EPB41L5: variants seen among roughly 807,000 people sequenced by gnomAD.
The protein encoded by EPB41L5 is erythrocyte membrane protein band 4.1 like 5.
A neutral mutation model predicts 106.6 loss-of-function variants in EPB41L5; 55 were observed. That is an observed-to-expected ratio of 0.52 (90% confidence interval 0.42 to 0.65). The LOEUF is 0.65. EPB41L5 is among the 30% of genes least tolerant of loss of function. The pLI, the probability that EPB41L5 is intolerant of heterozygous loss-of-function variation, is 0.00. For missense variants in EPB41L5, 871 were observed against 882.1 expected, an observed-to-expected ratio of 0.99 and a Z score of 0.16; for synonymous variants, 297 against 306.7, an observed-to-expected ratio of 0.97 and a Z score of 0.33.
intron 16 of EPB41L5, among the ~76,000 whole-genome samples, chr2:120,107,354 A>T (rs1684511229): frequency 6.6e-6 from 1 of 152,102 alleles, no homozygotes; most frequent in Non-Finnish European, 1.5e-5. Context: ...ATTTTTTATG[A>T]TTGGTATTAG....
chr2:120,072,054 T>C (rs1378058828), intron 3 of EPB41L5, among the ~76,000 whole-genome samples: 2 of 152,182 alleles, frequency 1.3e-5, no homozygotes, highest in Non-Finnish European at 2.9e-5. Context: ...AAAGAGCTAA[T>C]ATCCAGAATG....
chr2:120,058,280 G>A (rs564270313), intron 3 of EPB41L5, among the ~76,000 whole-genome samples: 1 of 152,144 alleles, frequency 6.6e-6, no homozygotes, highest in South Asian at 2.1e-4. Flanking sequence ...TGATCCCCTG[G>A]GCTCAAGTGA....
Position 120,178,494 on chromosome 2 carries a change from T to C in EPB41L5, c.*3587T>C, listed in dbSNP as rs1403850139. 1 of 152,218 alleles carries C rather than the reference T, an allele frequency of 6.6e-6. No homozygotes were observed. Among genetic ancestry groups the C allele is most frequent in the Non-Finnish European group, 1.5e-5 (1 of 68,052 alleles). The allele number at this position is 152,218 out of a possible 1,614,324, so 9.4% of individuals were successfully genotyped here. A position where few individuals can be genotyped will look rare whatever the true frequency, so the allele number is the denominator to read the frequency against. On this transcript the variant is annotated 3_prime_UTR_variant, in exon 25 of 25. Transcript: ENST00000263713. The stretch of plus-strand genomic sequence containing the variant: ...GTTCCCACCAACTTTTAATTATTCA[T>C]GCCCTTGACCATGTGGTTGCTTGGA...
intron 20 of EPB41L5, 146 bp downstream of exon 20, chr2:120,146,435 A>T: frequency 1.8e-6 from 1 of 543,154 alleles, no homozygotes; most frequent in Non-Finnish European, 3.3e-6. Context: ...CAGACCACTT[A>T]GTACCTAGTT....
chr2:120,115,171 G>A (rs1684891338), intron 16 of EPB41L5, among the ~76,000 whole-genome samples: 1 of 152,042 alleles, frequency 6.6e-6, no homozygotes, highest in Admixed American at 6.5e-5. Flanking sequence ...ATCCCTTCTA[G>A]ACAGCATACA....
chr2:120,163,956 C>T (rs66680594), intron 21 of EPB41L5, among the ~76,000 whole-genome samples: 87,682 of 132,188 alleles, frequency 0.66, 29,254 homozygotes, highest in Middle Eastern at 0.77. Context: ...CTCAAAACAA[C>T]TTTTTTTTAT....
chr2:120,171,759 C>A (rs1202012043), intron 24 of EPB41L5, among the ~76,000 whole-genome samples: 28 of 152,078 alleles, frequency 1.8e-4, no homozygotes, highest in Admixed American at 1.8e-3. Context: ...GAGTTTTGCC[C>A]ATATATACAC....
intron 16 of EPB41L5, chr2:120,104,056 C>G (rs926044921): frequency 1.1e-5 from 17 of 1,531,412 alleles, no homozygotes; most frequent in Middle Eastern, 1.7e-4. Flanking sequence ...CCCCAACCAT[C>G]CAGGCTCTCT....
intron 14 of EPB41L5, among the ~76,000 whole-genome samples, chr2:120,099,339 T>A (rs1336222629): frequency 1.1e-5 from 1 of 94,340 alleles, no homozygotes; most frequent in Admixed American, 1.2e-4. Context: ...TTCTGTAGTT[T>A]CTGGGTTTTT....
chr2:120,034,762 G>T (rs1158905939), intron 2 of EPB41L5, among the ~76,000 whole-genome samples: 1 of 152,118 alleles, frequency 6.6e-6, no homozygotes, highest in South Asian at 2.1e-4. Context: ...CAACTTGGGA[G>T]ACTGAGCCGA....
rs1425503747 is a variant in EPB41L5 at position 120,073,200 on chromosome 2, G to C, written c.308G>C (p.Ser103Thr). ...QVAHWLDGTK[S>T]IKKQVKIGSP... ...CAGCATTGGTTGGATGGTACAAAAA[G>C]CATCAAAAAGCAAGTAAAAAGTAAG... The change falls in exon 4 of 25, where the codon AGC becomes ACC. Residue 103 changes from serine (S) to threonine (T), a missense_variant. Ser to Thr is a moderately conservative substitution (Grantham distance 58, BLOSUM62 1). Coordinates refer to ENST00000263713, the MANE Select transcript of EPB41L5 (RefSeq NM_020909.4). The C allele has an allele frequency of 6.2e-7, 1 of 1,608,922 alleles. No individual in the cohort carries two copies.
intron 13 of EPB41L5, 128 bp downstream of exon 13, chr2:120,091,789 T>C (rs1683428984): frequency 1.5e-6 from 1 of 669,694 alleles, no homozygotes; most frequent in Non-Finnish European, 2.5e-6. Context: ...AAAGTACTTT[T>C]CTGGCAGAAT....
intron 2 of EPB41L5, among the ~76,000 whole-genome samples, chr2:120,022,340 C>A (rs1291386345): frequency 6.6e-6 from 1 of 152,020 alleles, no homozygotes. Flanking sequence ...CCTAACCCCC[C>A]ACCCCCCGAC....
intron 3 of EPB41L5, among the ~76,000 whole-genome samples, chr2:120,058,637 G>A (rs774683741): frequency 6.6e-6 from 1 of 152,150 alleles, no homozygotes; most frequent in Non-Finnish European, 1.5e-5. Flanking sequence ...ACAGTATATG[G>A]CAACTACCAC....
intron 18 of EPB41L5, among the ~76,000 whole-genome samples, chr2:120,132,876 G>C (rs1685762621): frequency 6.6e-6 from 1 of 152,114 alleles, no homozygotes; most frequent in African/African-American, 2.4e-5. Context: ...GGGTAGGGAG[G>C]AGTGGGGGGC....
intron 3 of EPB41L5, among the ~76,000 whole-genome samples, chr2:120,047,738 C>G (rs376346821): frequency 1.8e-4 from 28 of 152,258 alleles, no homozygotes; most frequent in South Asian, 6.2e-4. Flanking sequence ...CTGTCTTGTG[C>G]CAGTTTTCAA....
At chr2:120,156,488 A>G (rs960019615) in intron 20 of EPB41L5, among the ~76,000 whole-genome samples, 6 of 152,080 alleles carry the variant, frequency 3.9e-5, no homozygotes, top group Non-Finnish European at 5.9e-5. Flanking sequence ...CAGTGCACCT[A>G]TGTCCATGCA....
In EPB41L5 at chr2:120,167,976, C is replaced by T. The variant is rs771347858; in HGVS notation, c.2104C>T (p.Pro702Ser). 1.9e-6 allele frequency: 3 copies of T among 1,613,942 alleles called. No homozygotes were observed. The highest frequency in any genetic ancestry group is 2.5e-6 in the Non-Finnish European group (3 of 1,179,992). ...NKDGISLISP[P>S]APFLVDAVTS... ...AGATGGAATCTCACTGATCTCTCCC[C>T]CAGCGCCATTCTTGGTAGATGCTGT... Residue 702 changes from proline to serine, a missense_variant, in exon 24 of 25, where the codon CCA becomes TCA. Transcript: ENST00000263713.
chr2:120,105,687 C>T (rs1006216247), intron 16 of EPB41L5: 148 of 985,186 alleles, frequency 1.5e-4, no homozygotes, highest in Non-Finnish European at 1.7e-4. Flanking sequence ...TTAAATAGCC[C>T]GGCTCCCACC....
Sources: allele counts gnomAD v4.1 joint callset (sites outside exome capture counted in the v4.1 genomes callset), GRCh38; gene constraint gnomAD v4.1.1; transcripts MANE v1.5; gene names NCBI Gene and HGNC (gene_info 2026-07-23, HGNC 2026-07-21).